CHD7: variants seen among roughly 807,000 people sequenced by gnomAD.
CHD7 encodes the protein chromodomain helicase DNA binding protein 7.
A neutral mutation model predicts 307.3 loss-of-function variants in CHD7; 24 were observed. The ratio of observed to expected loss-of-function variants is 0.08; its 90% confidence interval spans 0.06 to 0.11. CHD7 has a LOEUF of 0.11. Among genes scored for constraint, CHD7 ranks in the 10% least tolerant of loss-of-function variants. The pLI is 1.00. For missense variants in CHD7, 3,106 were observed against 3,727.1 expected, an observed-to-expected ratio of 0.83 and a Z score of 4.34; for synonymous variants, 1,363 against 1,349.9, an observed-to-expected ratio of 1.01 and a Z score of -0.21.
chr8:60,737,035 T>C (rs1808747571), intron 1 of CHD7, among the ~76,000 whole-genome samples: 1 of 152,042 alleles, frequency 6.6e-6, no homozygotes, highest in African/African-American at 2.4e-5. Context: ...AATTAAGAAA[T>C]TTTATATATA....
At chr8:60,862,043 A>G in intron 35 of CHD7, 153 bp from the exon 36 acceptor site, 1 of 625,596 alleles carries the variant, frequency 1.6e-6, no homozygotes, top group Non-Finnish European at 2.5e-6. Context: ...TTTTCTTTCA[A>G]AGAGAAAAAT....
intron 1 of CHD7, among the ~76,000 whole-genome samples, chr8:60,703,575 C>G (rs1806874122): frequency 6.6e-6 from 1 of 152,096 alleles, no homozygotes; most frequent in Non-Finnish European, 1.5e-5. Context: ...AACCATGAAA[C>G]GCTCCCATTT....
At chr8:60,704,337 G>A (rs914983155) in intron 1 of CHD7, among the ~76,000 whole-genome samples, 4 of 151,948 alleles carry the variant, frequency 2.6e-5, no homozygotes, top group Non-Finnish European at 5.9e-5. Context: ...ACAAACCTGT[G>A]TAAGTACAAC....
At chr8:60,820,182 G>GA in intron 9 of CHD7, 92 bp downstream of exon 9, 2 of 747,196 alleles carry the variant, frequency 2.7e-6, no homozygotes, top group Non-Finnish European at 4.5e-6. Flanking sequence ...CCTGGTCTTG[G>GA]TCAGAGCCTT....
At chr8:60,846,749 A>G (rs1219828680) in intron 23 of CHD7, among the ~76,000 whole-genome samples, 1 of 152,268 alleles carries the variant, frequency 6.6e-6, no homozygotes, top group Non-Finnish European at 1.5e-5. Flanking sequence ...GAATTGTCTA[A>G]GATTAGTATG....
chr8:60,792,660 CCTT>C (rs1811832159), intron 3 of CHD7, among the ~76,000 whole-genome samples: 1 of 152,140 alleles, frequency 6.6e-6, no homozygotes, highest in Non-Finnish European at 1.5e-5. Context: ...GCACTTCTCT[CCTT>C]CAGCAAATTG....
At position 60,795,116 on chromosome 8, in the gene CHD7, C is replaced by G; in HGVS notation, c.2227C>G (p.Pro743Ala). 1 of 1,612,848 alleles carries G rather than the reference C, an allele frequency of 6.2e-7. No individual in the cohort carries two copies. The highest frequency in any genetic ancestry group is 8.5e-7 in the Non-Finnish European group (1 of 1,179,504). ...TCCTCCTCCTGAAGAAGATGAGGAC[C>G]CAGGTGTTCAGGTAATACAATTATT... Reference protein sequence around the residue: ...PSPPPEEDEDPGVQKRRSSRQ... With the variant: ...PSPPPEEDEDAGVQKRRSSRQ... The change falls in exon 4 of 38, where the codon CCA (proline) becomes GCA (alanine). Residue 743 changes from proline (P) to alanine (A), a missense_variant. Around this residue, in one of 10 missense-constraint regions of CHD7, gnomAD observed 998 missense variants for 1,004.5 expected, o/e 0.99. Transcript: ENST00000423902.
At chr8:60,772,251 T>A (rs1218840978) in intron 2 of CHD7, among the ~76,000 whole-genome samples, 1 of 152,196 alleles carries the variant, frequency 6.6e-6, no homozygotes, top group Non-Finnish European at 1.5e-5. Flanking sequence ...TCAAAAATTG[T>A]TTTGTTCCCA....
chr8:60,700,911 C>T (rs753976490), intron 1 of CHD7, among the ~76,000 whole-genome samples: 2 of 152,200 alleles, frequency 1.3e-5, no homozygotes, highest in East Asian at 1.9e-4. Context: ...CCTCAGAGCA[C>T]GGTGCTTCTC....
intron 2 of CHD7, among the ~76,000 whole-genome samples, chr8:60,761,812 A>G (rs1353630076): frequency 6.6e-6 from 1 of 152,214 alleles, no homozygotes; most frequent in Non-Finnish European, 1.5e-5. Flanking sequence ...TTAATTAATC[A>G]GAAATTTTCT....
intron 9 of CHD7, among the ~76,000 whole-genome samples, chr8:60,820,996 G>C (rs1048220366): frequency 6.6e-6 from 1 of 152,290 alleles, no homozygotes; most frequent in Non-Finnish European, 1.5e-5. Context: ...CTAGAGGAAA[G>C]ACAAAGGAAA....
Position 60,852,939 on chromosome 8 carries a change from C to T in CHD7, c.6214C>T (p.Pro2072Ser), listed in dbSNP as rs780772673. The change falls in exon 31 of 38, where the codon CCC becomes TCC. Residue 2072 changes from proline (P) to serine (S), a missense_variant. By Grantham distance (74) the Pro-to-Ser change is moderately conservative. Around this residue, in one of 10 missense-constraint regions of CHD7, gnomAD observed 1,030 missense variants for 1,165.4 expected, o/e 0.88. Transcript: ENST00000423902. ...GATCCGCGAGCAGGTTCTCCATCACCCCCAGCTGGGAGAGAGGCTTAAGCT... is the reference window on the plus strand; with the variant it reads ...GATCCGCGAGCAGGTTCTCCATCACTCCCAGCTGGGAGAGAGGCTTAAGCT... ...RKIREQVLHH[P>S]QLGERLKLCQ... 3.1e-6 allele frequency: 5 copies of T among 1,613,824 alleles called. No individual in the cohort carries two copies. The highest frequency in any genetic ancestry group is 1.3e-5 in the African/African-American group (1 of 74,904).
chr8:60,808,871 G>A (rs1005027596), intron 7 of CHD7: 1 of 152,280 alleles, frequency 6.6e-6, no homozygotes, highest in Non-Finnish European at 1.5e-5. Context: ...GATGAGCTAG[G>A]ATGTTTTCAG....
chr8:60,850,925 A>C, intron 26 of CHD7, 107 bp from the exon 27 acceptor site: 1 of 800,376 alleles, frequency 1.2e-6, no homozygotes, highest in Non-Finnish European at 2.0e-6. Context: ...TGTCAAACCC[A>C]TAATTAAAAG....
intron 2 of CHD7, among the ~76,000 whole-genome samples, chr8:60,754,191 GCA>G (rs1809776958): frequency 6.6e-6 from 1 of 152,184 alleles, no homozygotes; most frequent in Admixed American, 6.5e-5. Flanking sequence ...GCAGGCAAGA[GCA>G]CAGAGTTGTG....
intron 1 of CHD7, among the ~76,000 whole-genome samples, chr8:60,711,301 G>A (rs1807270702): frequency 6.6e-6 from 1 of 152,194 alleles, no homozygotes; most frequent in African/African-American, 2.4e-5. Context: ...TCTATGGCCT[G>A]CAGAATTCCA....
At chr8:60,816,642 T>C in intron 8 of CHD7, 141 bp downstream of exon 8, 1 of 597,076 alleles carries the variant, frequency 1.7e-6, no homozygotes, top group Admixed American at 3.3e-5. Context: ...TGGTTCTTGC[T>C]AACAAATTTG....
At chr8:60,732,466 G>A (rs1460051713) in intron 1 of CHD7, among the ~76,000 whole-genome samples, 1 of 152,176 alleles carries the variant, frequency 6.6e-6, no homozygotes, top group Non-Finnish European at 1.5e-5. Context: ...TTGCCACGGG[G>A]TCCCCAGACA....
rs1278614167 is a variant in CHD7 at position 60,794,996 on chromosome 8, C to A, written c.2107C>A (p.Pro703Thr). The change falls in exon 4 of 38, where the codon CCT (proline) becomes ACT (threonine). Residue 703 changes from proline (P) to threonine (T), a missense_variant. By Grantham distance (38) the Pro-to-Thr change is conservative (BLOSUM62 -1). Coordinates refer to ENST00000423902, the MANE Select transcript of CHD7 (RefSeq NM_017780.4). ...CACTTTGAATTCTAGTAATAAGAAA[C>A]CTGACTCAGAAGCAAGTGCTTTGAA... ...KSSKKSSNKK[P>T]DSEASALKKK... 3 of 1,612,680 alleles carry A rather than the reference C, an allele frequency of 1.9e-6. No individual in the cohort carries two copies. Among genetic ancestry groups the A allele is most frequent in the African/African-American group, 1.3e-5 (1 of 74,738 alleles).
Sources: gnomAD v4.1 joint callset for allele counts (sites outside exome capture counted in the v4.1 genomes callset) on GRCh38, gnomAD v4.1.1 for gene constraint, gnomAD v4.1.1 regional missense constraint, MANE v1.5 for transcripts, NCBI Gene and HGNC (gene_info 2026-07-23, HGNC 2026-07-21) for gene names.